The following RBFOX1 variants were observed in gnomAD, a reference collection of about 807,000 sequenced individuals.
RBFOX1 encodes RNA binding protein fox-1 homolog 1.
Under a neutral mutation model 57.7 loss-of-function variants are expected in RBFOX1, and 8 were observed. That is an observed-to-expected ratio of 0.14 (90% CI 0.08 to 0.25). The LOEUF (loss-of-function observed/expected upper bound fraction) is 0.25. Ranked by LOEUF, RBFOX1 falls within the 10% of genes least tolerant of loss-of-function variation. RBFOX1 has a pLI of 1.00. For missense variants in RBFOX1, 611 were observed against 548.5 expected (o/e 1.11, Z -1.14); for synonymous variants, 326 against 222.4 (o/e 1.47, Z -4.15).
At chr16:6,591,694 A>G (rs907982395) in intron 2 of RBFOX1, among the ~76,000 whole-genome samples, 3 of 152,164 alleles carry the variant, frequency 2.0e-5, no homozygotes, top group African/African-American at 4.8e-5. Context: ...TGCTTTTTCT[A>G]CAGCTTAATT....
chr16:6,465,533 C>G lies in RBFOX1; in HGVS notation c.-64+148476C>G, dbSNP rs149950252. On this transcript the variant is annotated intron_variant, in intron 2 of 15. Coordinates refer to ENST00000550418, the MANE Select transcript of RBFOX1 (RefSeq NM_018723.4). ...AATCTACGTAAGAAGTAAAATGCTG[C>G]TAAGTTTACCTGCACTTTTAGTGTA... Among the ~76,000 whole-genome samples the G allele has an allele frequency of 2.0e-5, 3 of 151,888 alleles. 1 individual carries two copies. Among genetic ancestry groups the G allele is most frequent in the South Asian group, 4.2e-4 (2 of 4,800 alleles).
chr16:7,704,395 C>A (rs1398122227), intron 14 of RBFOX1, among the ~76,000 whole-genome samples: 1 of 152,160 alleles, frequency 6.6e-6, no homozygotes, highest in Non-Finnish European at 1.5e-5. Context: ...AAAAAGTGTA[C>A]ACTATTTCTA....
intron 4 of RBFOX1, among the ~76,000 whole-genome samples, chr16:7,409,913 A>C (rs1381313203): frequency 1.3e-5 from 2 of 152,102 alleles, no homozygotes; most frequent in Non-Finnish European, 2.9e-5. Context: ...AAATGAGGGG[A>C]GGGGTCTTAT....
At chr16:5,917,248 G>A (rs1228948098) in intron 4 of RBFOX1, among the ~76,000 whole-genome samples, 3 of 152,294 alleles carry the variant, frequency 2.0e-5, no homozygotes, top group East Asian at 3.9e-4. Flanking sequence ...GGGCTCCAGT[G>A]TTTTAAAACA....
chr16:5,659,434 G>A (rs1054455689), intron 3 of RBFOX1, among the ~76,000 whole-genome samples: 4 of 151,620 alleles, frequency 2.6e-5, no homozygotes, highest in Admixed American at 2.6e-4. Context: ...CTCCTGAGTA[G>A]CTGGGACTAC....
intron 2 of RBFOX1, among the ~76,000 whole-genome samples, chr16:6,570,362 A>T (rs1450850725): frequency 6.6e-6 from 1 of 152,214 alleles, no homozygotes; most frequent in Non-Finnish European, 1.5e-5. Flanking sequence ...CTCCTGGAAC[A>T]GGCCAAAGTA....
rs897419659 is a variant in RBFOX1 at position 6,097,657 on chromosome 16, A to T, written c.-127+77665A>T. Among the ~76,000 whole-genome samples the T allele has an allele frequency of 5.3e-5, 8 of 152,206 alleles. No individual in the cohort carries two copies. Among genetic ancestry groups the T allele is most frequent in the African/African-American group, 1.9e-4 (8 of 41,452 alleles). ...GAAAAGTGATTGACTCAAGTGCTTA[A>T]TAAGTGTCTAAGCTAGGATTTGACC... On this transcript the variant is annotated intron_variant, in intron 1 of 15. Transcript: ENST00000550418. This position sits in a 1 kb window ranked among gnomAD's most constrained non-coding sequence, Gnocchi z 5.0.
chr16:7,495,163 G>C (rs1218471179), intron 4 of RBFOX1, among the ~76,000 whole-genome samples: 2 of 152,070 alleles, frequency 1.3e-5, no homozygotes, highest in Admixed American at 1.3e-4. Flanking sequence ...CTGTTTTATG[G>C]CTGCATAGTA....
intron 2 of RBFOX1, among the ~76,000 whole-genome samples, chr16:5,521,301 A>G (rs913909143): frequency 8.0e-6 from 1 of 124,758 alleles, no homozygotes; most frequent in Non-Finnish European, 1.6e-5. Context: ...AGTTTGCACA[A>G]CTGCTGCCCC....
At chr16:7,172,063 TTA>T (rs1241887593) in intron 4 of RBFOX1, among the ~76,000 whole-genome samples, 176 of 109,084 alleles carry the variant, frequency 1.6e-3, no homozygotes, top group Admixed American at 2.7e-3. Context: ...ATTGGGCAAT[TTA>T]GAAAAAAATA....
intron 11 of RBFOX1, among the ~76,000 whole-genome samples, chr16:7,650,046 A>C (rs2064666570): frequency 6.6e-6 from 1 of 151,606 alleles, no homozygotes; most frequent in African/African-American, 2.4e-5. Context: ...GAAGGACAGG[A>C]GGGAGGGAAG....
intron 3 of RBFOX1, among the ~76,000 whole-genome samples, chr16:5,839,594 C>A (rs1357076412): frequency 6.6e-6 from 1 of 152,142 alleles, no homozygotes; most frequent in Admixed American, 6.5e-5. Flanking sequence ...CAGTAAGTAA[C>A]TTACTCAAAA....
At chr16:5,491,441 A>G (rs1000575750) in intron 2 of RBFOX1, among the ~76,000 whole-genome samples, 1 of 152,244 alleles carries the variant, frequency 6.6e-6, no homozygotes, top group African/African-American at 2.4e-5. Flanking sequence ...GAATGCATAC[A>G]TATATTCACC....
chr16:7,548,892 C>A (rs1205874621), intron 5 of RBFOX1, among the ~76,000 whole-genome samples: 1 of 152,196 alleles, frequency 6.6e-6, no homozygotes, highest in African/African-American at 2.4e-5. Context: ...GACATAGTCA[C>A]TATGAAGACC....
chr16:5,342,027 C>T (rs147086485), intron 1 of RBFOX1, among the ~76,000 whole-genome samples: 5 of 152,282 alleles, frequency 3.3e-5, no homozygotes, highest in South Asian at 2.1e-4. Context: ...AAAAAAGAGT[C>T]AGTGGTGGGA....
chr16:6,498,200 C>G (rs986108270), intron 2 of RBFOX1, among the ~76,000 whole-genome samples: 12 of 145,764 alleles, frequency 8.2e-5, no homozygotes, highest in African/African-American at 3.0e-4. Context: ...TGCAGTGAGC[C>G]AAGATTGTGC....
intron 1 of RBFOX1, among the ~76,000 whole-genome samples, chr16:6,093,310 G>C (rs988149007): frequency 1.1e-4 from 17 of 151,900 alleles, no homozygotes; most frequent in Admixed American, 5.2e-4. Flanking sequence ...GCAGTGGCTC[G>C]CACCTGTAGG....
chr16:6,072,844 A>G (rs2095853148), intron 1 of RBFOX1, among the ~76,000 whole-genome samples: 1 of 152,156 alleles, frequency 6.6e-6, no homozygotes, highest in African/African-American at 2.4e-5. Context: ...TGTCCAAATA[A>G]AGGGAAATTT....
chr16:6,128,736 C>A (rs749599535), intron 1 of RBFOX1, among the ~76,000 whole-genome samples: 23 of 152,148 alleles, frequency 1.5e-4, no homozygotes, highest in Non-Finnish European at 1.5e-4. Flanking sequence ...CAGACTTCAC[C>A]GGAGATCAGA....
Sources: gnomAD v4.1 joint callset for allele counts (sites outside exome capture counted in the v4.1 genomes callset) on GRCh38, gnomAD v4.1.1 for gene constraint, Gnocchi (gnomAD v3.1) non-coding constraint, MANE v1.5 for transcripts, NCBI Gene and HGNC (gene_info 2026-07-23, HGNC 2026-07-21) for gene names.